The following PTPRD variants were observed in gnomAD, a reference collection of about 807,000 sequenced individuals.
PTPRD encodes receptor-type tyrosine-protein phosphatase delta.
Under a neutral mutation model 214.5 loss-of-function variants are expected in PTPRD, and 34 were observed. The observed-to-expected ratio is 0.16, with a 90% CI of 0.12 to 0.21. PTPRD has a LOEUF of 0.21. PTPRD is among the 10% of genes least tolerant of loss of function. The pLI, the probability that PTPRD is intolerant of heterozygous loss-of-function variation, is 1.00. For synonymous variants in PTPRD, 1,128 were observed against 845.7 expected (o/e 1.33, Z -5.79); for missense variants, 2,545 against 2,398.7 (o/e 1.06, Z -1.27).
At position 10,463,957 on chromosome 9, in the gene PTPRD, C is replaced by A. The variant is rs140687920; in HGVS notation, c.-599-122940G>T. Among the ~76,000 whole-genome samples the A allele has an allele frequency of 7.3e-3, 1,104 of 152,242 alleles. 19 individuals are homozygous for A. The highest frequency in any genetic ancestry group is 0.025 in the African/African-American group (1,045 of 41,568). ...ATAAATAAATAAGAGAACTTCTGTA[C>A]ATGGACATTCATTACTATACACCAA... On this transcript the variant is annotated intron_variant, in intron 2 of 45. Transcript: ENST00000381196.
intron 5 of PTPRD, among the ~76,000 whole-genome samples, chr9:9,810,745 CATGA>C (rs1219540071): frequency 6.6e-6 from 1 of 151,916 alleles, no homozygotes; most frequent in Non-Finnish European, 1.5e-5. Context: ...TACTGCAACC[CATGA>C]ATCAAGTAGT....
chr9:10,374,855 C>A (rs2097697093), intron 2 of PTPRD, among the ~76,000 whole-genome samples: 1 of 152,030 alleles, frequency 6.6e-6, no homozygotes, highest in Admixed American at 6.6e-5. Flanking sequence ...TTTGTGACCT[C>A]TCACTAAACA....
intron 9 of PTPRD, among the ~76,000 whole-genome samples, chr9:9,209,647 A>G (rs1019370112): frequency 1.3e-5 from 2 of 152,210 alleles, no homozygotes; most frequent in East Asian, 1.9e-4. Flanking sequence ...AGACAGGACT[A>G]TAAATAAACC....
chr9:9,593,664 C>A (rs528562463), intron 7 of PTPRD, among the ~76,000 whole-genome samples: 82 of 152,054 alleles, frequency 5.4e-4, no homozygotes, highest in African/African-American at 1.9e-3. Context: ...AAAAAGAGAA[C>A]CCTCTGTCCT....
chr9:8,577,231 TTTTATTTG>T (rs1220141206), intron 14 of PTPRD, among the ~76,000 whole-genome samples: 5 of 139,622 alleles, frequency 3.6e-5, no homozygotes, highest in African/African-American at 8.5e-5. Flanking sequence ...CTCTTTTATT[TTTTATTTG>T]TTTGTTTGTT....
chr9:9,256,928 ATGCACCATCCCCAGAAAAAGAAAAGCCT>A (rs1401591287), intron 9 of PTPRD, among the ~76,000 whole-genome samples: 1 of 151,914 alleles, frequency 6.6e-6, no homozygotes, highest in African/African-American at 2.4e-5. Flanking sequence ...AGTTGTTTTT[ATGCACCATCCCCAGAAAAAGAAAAGCCT>A]TTATTCTTGC....
intron 9 of PTPRD, among the ~76,000 whole-genome samples, chr9:9,383,486 C>T (rs749536829): frequency 6.6e-6 from 1 of 152,014 alleles, no homozygotes; most frequent in African/African-American, 2.4e-5. Flanking sequence ...AAAATATCAC[C>T]AACTTGCTCT....
At chr9:10,338,305 G>A (rs1480742280) in intron 3 of PTPRD, among the ~76,000 whole-genome samples, 1 of 151,558 alleles carries the variant, frequency 6.6e-6, no homozygotes, top group Non-Finnish European at 1.5e-5. Flanking sequence ...ATTCTAGCAA[G>A]CAGAGGACTG....
At chr9:8,578,417 C>A (rs201652250) in intron 14 of PTPRD, among the ~76,000 whole-genome samples, 11 of 47,958 alleles carry the variant, frequency 2.3e-4, no homozygotes, top group South Asian at 1.3e-3. Context: ...CTTCATAAAA[C>A]ATTTCGTATA....
In PTPRD at chr9:8,525,239, A is replaced by G. The variant is rs868105545; in HGVS notation, c.569-204T>C. ...ATTATTTTTTTTTTTTACATCATCAATGCTAGCATTAGAAATCAATATCTC... is the reference window on the plus strand; with the variant it reads ...ATTATTTTTTTTTTTTACATCATCAGTGCTAGCATTAGAAATCAATATCTC... On this transcript the variant is annotated intron_variant, in intron 17 of 45. Transcript: ENST00000381196. 3.3e-5 allele frequency: 23 copies of G among 700,160 alleles called. No individual in the cohort carries two copies. In the Middle Eastern group the frequency reaches 3.4e-3, roughly 105 times the overall value. The allele number at this position is 700,160 out of a possible 1,614,324, so 43.4% of individuals were successfully genotyped here. A position where few individuals can be genotyped will look rare whatever the true frequency, so the allele number is the denominator to read the frequency against.
intron 3 of PTPRD, among the ~76,000 whole-genome samples, chr9:10,123,997 T>C (rs546887760): frequency 9.2e-5 from 14 of 152,266 alleles, no homozygotes; most frequent in Non-Finnish European, 1.6e-4. Context: ...AGCTATCTAA[T>C]TTTGTATATG....
intron 8 of PTPRD, among the ~76,000 whole-genome samples, chr9:9,452,601 C>T (rs2092402450): frequency 6.6e-6 from 1 of 151,158 alleles, no homozygotes; most frequent in African/African-American, 2.4e-5. Flanking sequence ...AGCTAACTTA[C>T]TCATCTTTAT....
chr9:9,029,983 C>T (rs2154375708), intron 10 of PTPRD, among the ~76,000 whole-genome samples: 1 of 151,912 alleles, frequency 6.6e-6, no homozygotes, highest in Non-Finnish European at 1.5e-5. Context: ...AGGAACTGAA[C>T]CATGGGAAAT....
At chr9:9,318,035 G>A (rs1271203060) in intron 9 of PTPRD, among the ~76,000 whole-genome samples, 1 of 152,042 alleles carries the variant, frequency 6.6e-6, no homozygotes, top group East Asian at 1.9e-4. Flanking sequence ...GCCTGATGTG[G>A]TGGTGCATGC....
At chr9:9,346,639 G>C (rs1000289098) in intron 9 of PTPRD, among the ~76,000 whole-genome samples, 2 of 151,894 alleles carry the variant, frequency 1.3e-5, no homozygotes, top group African/African-American at 4.8e-5. Flanking sequence ...TTTTTGAATT[G>C]TGCCTTTGTA....
chr9:8,844,787 G>C (rs976655177), intron 11 of PTPRD, among the ~76,000 whole-genome samples: 1 of 152,212 alleles, frequency 6.6e-6, no homozygotes, highest in African/African-American at 2.4e-5. Flanking sequence ...GTGGAGCAAA[G>C]TGAAGTGTGG....
intron 35 of PTPRD, among the ~76,000 whole-genome samples, chr9:8,434,721 G>A (rs559253431): frequency 6.6e-6 from 1 of 152,290 alleles, no homozygotes; most frequent in Non-Finnish European, 1.5e-5. Context: ...GTAGGTTGGA[G>A]TGATGAAAGA....
chr9:9,958,582 G>A (rs1160311024), intron 4 of PTPRD, among the ~76,000 whole-genome samples: 1 of 152,064 alleles, frequency 6.6e-6, no homozygotes, highest in Non-Finnish European at 1.5e-5. Context: ...GACTTATGCT[G>A]TGTAAAACAA....
chr9:9,217,340 T>G (rs1180238788), intron 9 of PTPRD, among the ~76,000 whole-genome samples: 6 of 152,222 alleles, frequency 3.9e-5, no homozygotes, highest in Admixed American at 1.3e-4. Context: ...AAGTGTTTTA[T>G]ATGGGCTACA....
Sources: allele counts gnomAD v4.1 joint callset (sites outside exome capture counted in the v4.1 genomes callset), GRCh38; gene constraint gnomAD v4.1.1; transcripts MANE v1.5; gene names NCBI Gene and HGNC (gene_info 2026-07-23, HGNC 2026-07-21).